ARID4B: variants seen among roughly 807,000 people sequenced by gnomAD.
ARID4B encodes the protein AT-rich interaction domain 4B, also known as AT-rich interactive domain-containing protein 4B.
In ARID4B, 26 loss-of-function variants were observed where a neutral mutation model predicts 147.5. That is an observed-to-expected ratio of 0.18 (90% CI 0.13 to 0.24). ARID4B has a LOEUF of 0.24. Ranked by LOEUF, ARID4B falls within the 10% of genes least tolerant of loss-of-function variation. ARID4B has a pLI of 1.00. For synonymous variants in ARID4B, 512 were observed against 507.9 expected (o/e 1.01, Z -0.11); for missense variants, 1,179 against 1,511.5 (o/e 0.78, Z 3.65).
Position 235,252,716 on chromosome 1 carries a change from A to G in ARID4B, c.354+14T>C. ...AAATATTAAGACATGTTCATTTGTTAAATGATGACTTACTTCACTTTCAGC... is the reference window on the plus strand; with the variant it reads ...AAATATTAAGACATGTTCATTTGTTGAATGATGACTTACTTCACTTTCAGC... On this transcript the variant is annotated intron_variant, in intron 6 of 23. Transcript: ENST00000264183. 1 of 1,606,376 alleles carries G rather than the reference A, an allele frequency of 6.2e-7. No individual in the cohort carries two copies.
At chr1:235,186,155 G>A (rs139802649) in intron 19 of ARID4B, among the ~76,000 whole-genome samples, 1,775 of 152,146 alleles carry the variant, frequency 0.012, 13 homozygotes, top group Middle Eastern at 0.027. Context: ...CTTTAGTAGA[G>A]ACAGGGTTTC....
At position 235,215,579 on chromosome 1, in the gene ARID4B, GTATA is replaced by G. The variant is rs1210330577; in HGVS notation, c.1584-1557_1584-1554del. The stretch of plus-strand genomic sequence containing the variant: ...TGTGTGTGTGTGTGTGTGTGTGTGT[GTATA>G]TATTTTTCCCCCCCTTGGAGACATG... On this transcript the variant is annotated intron_variant, in intron 16 of 23. Transcript: ENST00000264183. 3.2e-3 allele frequency among the ~76,000 whole-genome samples: 463 copies of G among 144,632 alleles called. 3 individuals carry two copies. The highest frequency in any genetic ancestry group is 0.026 in the Middle Eastern group (7 of 266). The allele number at this position is 144,632 out of a possible 152,430, so 94.9% of individuals were successfully genotyped here.
chr1:235,248,877 C>T (rs2103088876), intron 6 of ARID4B, among the ~76,000 whole-genome samples: 1 of 152,246 alleles, frequency 6.6e-6, no homozygotes, highest in Admixed American at 6.5e-5. Flanking sequence ...AAACCAGAGG[C>T]TCCTGAAAGC....
At chr1:235,242,341 C>T (rs181966230) in intron 7 of ARID4B, among the ~76,000 whole-genome samples, 5 of 152,192 alleles carry the variant, frequency 3.3e-5, no homozygotes, top group Admixed American at 6.5e-5. Flanking sequence ...AACTCAACCA[C>T]CTTTACATTA....
At chr1:235,187,947 A>G (rs193114953) in intron 19 of ARID4B, among the ~76,000 whole-genome samples, 6 of 152,286 alleles carry the variant, frequency 3.9e-5, no homozygotes, top group Non-Finnish European at 5.9e-5. Context: ...AAATTATGAT[A>G]TATCTATTCA....
intron 12 of ARID4B, among the ~76,000 whole-genome samples, chr1:235,224,102 C>A (rs1454840421): frequency 2.0e-5 from 3 of 152,146 alleles, no homozygotes; most frequent in Non-Finnish European, 4.4e-5. Flanking sequence ...AGAAAACGTT[C>A]AATTCCCAGA....
At chr1:235,321,008 A>G (rs910132303) in intron 2 of ARID4B, among the ~76,000 whole-genome samples, 4 of 152,312 alleles carry the variant, frequency 2.6e-5, no homozygotes, top group Middle Eastern at 3.4e-3. Flanking sequence ...TGTGTCCACC[A>G]TAGTAGAAAG....
intron 2 of ARID4B, among the ~76,000 whole-genome samples, chr1:235,323,245 T>C (rs1558315604): frequency 1.3e-5 from 2 of 151,736 alleles, no homozygotes; most frequent in East Asian, 3.9e-4. Flanking sequence ...TTCATCACTT[T>C]GGCCAGGCTG....
chr1:235,194,053 A>C lies in ARID4B; in HGVS notation c.2085T>G (p.Ile695Met), dbSNP rs1665311166. ...TDAKNSDTAHIKSIEITSILN... is the reference protein window; with the variant it reads ...TDAKNSDTAHMKSIEITSILN... ...GGATCGAAGTAATTTCTATGGACTT[A>C]ATATGAGCAGTATCAGAGTTTTTGG... The change falls in exon 19 of 24, where the codon ATT becomes ATG. Residue 695 changes from isoleucine (I) to methionine (M), a missense_variant. Around this residue, in one of 10 missense-constraint regions of ARID4B, gnomAD observed 321 missense variants for 342.4 expected, o/e 0.94. Coordinates refer to ENST00000264183, the MANE Select transcript of ARID4B (RefSeq NM_016374.6). The C allele has an allele frequency of 3.1e-6, 5 of 1,612,128 alleles. No homozygotes were observed. Among genetic ancestry groups the C allele is most frequent in the Non-Finnish European group, 3.4e-6 (4 of 1,178,268 alleles).
At chr1:235,284,691 C>T (rs988305223) in intron 2 of ARID4B, among the ~76,000 whole-genome samples, 20 of 152,062 alleles carry the variant, frequency 1.3e-4, no homozygotes, top group African/African-American at 4.8e-4. Flanking sequence ...CCAACTCATT[C>T]TACAAAGCCA....
At position 235,291,911 on chromosome 1, in the gene ARID4B, T is replaced by C. The variant is rs145187056; in HGVS notation, c.7-31159A>G. On this transcript the variant is annotated intron_variant, in intron 2 of 23. Transcript: ENST00000264183. ...AGGGAAGTAAGACGGCAAACTTGTG[T>C]TTGCCTTTCTACGTGTGGAAACAAT... 1.3e-3 allele frequency among the ~76,000 whole-genome samples: 193 copies of C among 152,244 alleles called. 1 individual carries two copies. The highest frequency in any genetic ancestry group is 4.5e-3 in the African/African-American group (189 of 41,548).
At chr1:235,258,281 G>A (rs973888565) in intron 3 of ARID4B, among the ~76,000 whole-genome samples, 3 of 152,104 alleles carry the variant, frequency 2.0e-5, no homozygotes, top group Admixed American at 6.5e-5. Context: ...GCAGTGAGCC[G>A]AGATTGCGTC....
At chr1:235,280,198 T>C (rs1416777434) in intron 2 of ARID4B, among the ~76,000 whole-genome samples, 2 of 151,978 alleles carry the variant, frequency 1.3e-5, no homozygotes, top group Non-Finnish European at 2.9e-5. Context: ...TTTGTATTAC[T>C]CTTACTCCAC....
intron 2 of ARID4B, among the ~76,000 whole-genome samples, chr1:235,306,674 G>C (rs556570284): frequency 4.0e-5 from 6 of 151,604 alleles, no homozygotes; most frequent in African/African-American, 1.5e-4. Flanking sequence ...CTTTTTTTAA[G>C]ACAGAGTCTC....
At chr1:235,263,828 AAAAAAAATAC>A (rs1670434515) in intron 2 of ARID4B, among the ~76,000 whole-genome samples, 1 of 151,904 alleles carries the variant, frequency 6.6e-6, no homozygotes, top group Non-Finnish European at 1.5e-5. Context: ...TCTACTAAAA[AAAAAAAATAC>A]AAAAAAATAG....
intron 2 of ARID4B, among the ~76,000 whole-genome samples, chr1:235,305,230 A>C (rs1673461087): frequency 6.6e-6 from 1 of 152,140 alleles, no homozygotes; most frequent in African/African-American, 2.4e-5. Context: ...GAGGCAAAGG[A>C]GGAAATACAG....
chr1:235,223,828 T>C (rs1667662623), intron 12 of ARID4B, among the ~76,000 whole-genome samples: 1 of 152,058 alleles, frequency 6.6e-6, no homozygotes, highest in South Asian at 2.1e-4. Context: ...TATGACTGGC[T>C]TAATCATATT....
At chr1:235,309,316 C>T (rs1237041967) in intron 2 of ARID4B, among the ~76,000 whole-genome samples, 2 of 140,738 alleles carry the variant, frequency 1.4e-5, no homozygotes, top group African/African-American at 2.7e-5. Flanking sequence ...CCCCTCCGCC[C>T]GGCAGCCGCC....
At chr1:235,203,684 T>C (rs1318996894) in intron 17 of ARID4B, among the ~76,000 whole-genome samples, 1 of 152,150 alleles carries the variant, frequency 6.6e-6, no homozygotes, top group African/African-American at 2.4e-5. Flanking sequence ...TGTCATATAA[T>C]TAACTTACTT....
Sources: allele counts gnomAD v4.1 joint callset (sites outside exome capture counted in the v4.1 genomes callset), GRCh38; gene constraint gnomAD v4.1.1; regional missense constraint gnomAD v4.1.1; transcripts MANE v1.5; gene names NCBI Gene and HGNC (gene_info 2026-07-23, HGNC 2026-07-21).